Variants in MRTFB observed in about 807,000 individuals in gnomAD.
MRTFB encodes the protein myocardin-related transcription factor B.
In MRTFB, 29 loss-of-function variants were observed where a neutral mutation model predicts 104.2. That is an observed-to-expected ratio of 0.28 (90% CI 0.21 to 0.38). The LOEUF (loss-of-function observed/expected upper bound fraction) is 0.38. Ranked by LOEUF, MRTFB falls within the 10% of genes least tolerant of loss-of-function variation. The pLI, the probability that MRTFB is intolerant of heterozygous loss-of-function variation, is 1.00. For missense variants in MRTFB, 1,270 were observed against 1,341.6 expected, an observed-to-expected ratio of 0.95 and a Z score of 0.83; for synonymous variants, 535 against 519.5, an observed-to-expected ratio of 1.03 and a Z score of -0.41.
the MRTFB span, among the ~76,000 whole-genome samples, chr16:13,996,508 A>T: frequency 6.6e-6 from 1 of 152,212 alleles, no homozygotes; most frequent in African/African-American, 2.4e-5. Context: ...CCATTCTTCC[A>T]TTCAAAAAGT....
chr16:14,101,145 T>C (rs1441914288), intron 2 of MRTFB, among the ~76,000 whole-genome samples: 2 of 148,000 alleles, frequency 1.4e-5, no homozygotes, highest in Non-Finnish European at 3.0e-5. Flanking sequence ...TTTTTTTTGC[T>C]AAGTTTTTCT....
chr16:14,219,479 G>A (rs895921198), intron 8 of MRTFB, among the ~76,000 whole-genome samples: 1 of 152,064 alleles, frequency 6.6e-6, no homozygotes, highest in Non-Finnish European at 1.5e-5. Flanking sequence ...AATTTTAATA[G>A]TGTTATTTTA....
intron 9 of MRTFB, 87 bp from the exon 10 acceptor site, chr16:14,240,146 CTTTT>C: frequency 1.4e-6 from 2 of 1,438,738 alleles, no homozygotes; most frequent in Non-Finnish European, 1.8e-6. Context: ...AGGTACATTT[CTTTT>C]TAATTTCAAA....
chr16:14,009,450 A>G, the MRTFB span: 1 of 152,206 alleles, frequency 6.6e-6, no homozygotes, highest in Non-Finnish European at 1.5e-5. Flanking sequence ...GGTTATGACA[A>G]CTGTCAAACA....
At chr16:14,063,765 C>T in the MRTFB span, among the ~76,000 whole-genome samples, 1 of 152,190 alleles carries the variant, frequency 6.6e-6, no homozygotes, top group African/African-American at 2.4e-5. Flanking sequence ...GTACCTGTAG[C>T]CTATCTGTAT....
chr16:14,264,207 A>T lies in MRTFB; in HGVS notation c.*2763A>T, dbSNP rs2043870799. On this transcript the variant is annotated 3_prime_UTR_variant, in exon 17 of 17. Transcript: ENST00000571589. ...GTTGTATATCATATTGTAAAGTATCATACTGCCAAGAAAATAACTCCTAGA... is the reference window on the plus strand; with the variant it reads ...GTTGTATATCATATTGTAAAGTATCTTACTGCCAAGAAAATAACTCCTAGA... The T allele has an allele frequency of 6.6e-6, 1 of 152,228 alleles. No individual in the cohort carries two copies. Among genetic ancestry groups the T allele is most frequent in the Non-Finnish European group, 1.5e-5 (1 of 68,048 alleles). 9.4% of individuals were successfully genotyped at this position (152,228 alleles called of 1,614,324 possible).
rs941710684 is a variant in MRTFB, at chr16:14,256,208, AC to A, written c.2704-1889del. ...AAACAGGATAACAAAAAAAAAAAAA[AC>A]CCCAGATGGGATGAATAGAAGACAA... is the stretch of plus-strand genomic sequence containing the variant. On this transcript the variant is annotated intron_variant, in intron 15 of 16. Coordinates refer to ENST00000571589, the MANE Select transcript of MRTFB (RefSeq NM_001308142.2). Among the ~76,000 whole-genome samples the A allele has an allele frequency of 2.0e-3, 305 of 150,912 alleles. 2 individuals carry two copies. The highest frequency in any genetic ancestry group is 7.0e-3 in the African/African-American group (288 of 40,948).
At chr16:14,167,419 G>C (rs1298548325) in intron 3 of MRTFB, among the ~76,000 whole-genome samples, 10 of 151,744 alleles carry the variant, frequency 6.6e-5, no homozygotes, top group Admixed American at 2.6e-4. Context: ...TTTTCCAGAT[G>C]GATAAATGGC....
chr16:14,146,257 C>G (rs923656959), intron 3 of MRTFB, among the ~76,000 whole-genome samples: 20 of 152,286 alleles, frequency 1.3e-4, no homozygotes, highest in African/African-American at 4.6e-4. Flanking sequence ...CCTCCCTCTT[C>G]CTGAACTAAA....
chr16:14,098,822 A>G (rs2035537809), intron 2 of MRTFB, among the ~76,000 whole-genome samples: 1 of 152,230 alleles, frequency 6.6e-6, no homozygotes, highest in Non-Finnish European at 1.5e-5. Flanking sequence ...TTGTTCGAGC[A>G]CCATTTGTTG....
upstream of MRTFB, among the ~76,000 whole-genome samples, chr16:14,069,672 G>T (rs142838870): frequency 7.5e-3 from 1,146 of 152,036 alleles, 7 homozygotes; most frequent in Non-Finnish European, 0.013. Context: ...TGTAGAGACG[G>T]GGTCTCACTG....
rs2039618063 is a variant in MRTFB, at chr16:14,177,381, C to G, written c.155-32862C>G. On this transcript the variant is annotated intron_variant, in intron 3 of 16. Transcript: ENST00000571589. This position sits in a 1 kb window ranked among gnomAD's most constrained non-coding sequence, Gnocchi z 4.7. ...TGGCATGGTTTTTAAGTGCATTGTC[C>G]AGAGCTGGACCAACCTGAGGTCTAG... Among the ~76,000 whole-genome samples the G allele has an allele frequency of 1.3e-5, 2 of 152,168 alleles. No homozygotes were observed. The highest frequency in any genetic ancestry group is 1.3e-4 in the Admixed American group (2 of 15,280).
the MRTFB span, among the ~76,000 whole-genome samples, chr16:14,033,250 T>A: frequency 4.0e-5 from 6 of 150,140 alleles, no homozygotes; most frequent in Non-Finnish European, 5.9e-5. Context: ...AATTTAAAAT[T>A]AAAAAAAAAC....
chr16:14,053,057 T>C, the MRTFB span, among the ~76,000 whole-genome samples: 4 of 152,312 alleles, frequency 2.6e-5, no homozygotes, highest in African/African-American at 9.6e-5. Flanking sequence ...CATTCTTGTT[T>C]ATGGCTGACT....
chr16:14,216,118 A>C (rs1185488490), intron 6 of MRTFB, among the ~76,000 whole-genome samples: 1 of 152,268 alleles, frequency 6.6e-6, no homozygotes. Flanking sequence ...ACTTTTGGCA[A>C]GCATACAGCT....
intron 2 of MRTFB, among the ~76,000 whole-genome samples, chr16:14,125,999 C>T (rs113582868): frequency 6.6e-6 from 1 of 152,162 alleles, no homozygotes. Flanking sequence ...TTCTTAACTT[C>T]TCTGGCTACT....
At chr16:14,190,310 A>G (rs2040121913) in intron 3 of MRTFB, among the ~76,000 whole-genome samples, 1 of 152,244 alleles carries the variant, frequency 6.6e-6, no homozygotes, top group South Asian at 2.1e-4. Context: ...AACGGCTTCA[A>G]ACATTCTCTG....
chr16:14,251,330 T>TCG (rs2043245554), intron 13 of MRTFB, among the ~76,000 whole-genome samples: 1 of 131,052 alleles, frequency 7.6e-6, no homozygotes, highest in African/African-American at 3.0e-5. Flanking sequence ...TGAGCCGAGA[T>TCG]CGCACCACTG....
At chr16:14,200,209 CA>C in intron 3 of MRTFB, 1 of 1,149,764 alleles carries the variant, frequency 8.7e-7, no homozygotes, top group East Asian at 2.6e-5. Context: ...TTTGTAATAG[CA>C]AAAAACCTGG....
Sources: gnomAD v4.1 joint callset for allele counts (sites outside exome capture counted in the v4.1 genomes callset) on GRCh38, gnomAD v4.1.1 for gene constraint, Gnocchi (gnomAD v3.1) non-coding constraint, MANE v1.5 for transcripts, NCBI Gene and HGNC (gene_info 2026-07-23, HGNC 2026-07-21) for gene names.